E2F6: variants seen among roughly 807,000 people sequenced by gnomAD.
The protein encoded by E2F6 is transcription factor E2F6.
In E2F6, 19 loss-of-function variants were observed where a neutral mutation model predicts 31.5. That is an observed-to-expected ratio of 0.60 (90% CI 0.42 to 0.89). The LOEUF is 0.89. Ranked by LOEUF, E2F6 falls within the 40% of genes least tolerant of loss-of-function variation. The pLI, the probability that E2F6 is intolerant of heterozygous loss-of-function variation, is 0.00. For missense variants in E2F6, 269 were observed against 341.6 expected, an observed-to-expected ratio of 0.79 and a Z score of 1.67; for synonymous variants, 121 against 127.7, an observed-to-expected ratio of 0.95 and a Z score of 0.36.
At chr2:11,461,580 G>A (rs188700861) in intron 1 of E2F6, among the ~76,000 whole-genome samples, 7 of 151,986 alleles carry the variant, frequency 4.6e-5, no homozygotes, top group Non-Finnish European at 8.8e-5. Flanking sequence ...CTCGAAATCC[G>A]GACCTCAGGT....
intron 2 of E2F6, among the ~76,000 whole-genome samples, chr2:11,454,469 G>A (rs756102293): frequency 5.3e-5 from 8 of 151,492 alleles, no homozygotes; most frequent in East Asian, 1.9e-4. Flanking sequence ...ATTCTCCTCC[G>A]GAGTAGCTGG....
chr2:11,450,267 TA>T (rs374830196), intron 4 of E2F6, 141 bp from the exon 5 acceptor site: 33,760 of 314,378 alleles, frequency 0.11, 87 homozygotes, highest in East Asian at 0.13. Flanking sequence ...AGGAAAGCAG[TA>T]AAAAAAAAAA....
intron 4 of E2F6, among the ~76,000 whole-genome samples, chr2:11,450,837 T>C (rs956836896): frequency 1.3e-5 from 2 of 152,118 alleles, no homozygotes; most frequent in Non-Finnish European, 2.9e-5. Flanking sequence ...TTTTGACTGC[T>C]GGAGAGAGTT....
chr2:11,464,509 T>A (rs1380803440), intron 1 of E2F6, among the ~76,000 whole-genome samples: 2 of 136,300 alleles, frequency 1.5e-5, no homozygotes, highest in Non-Finnish European at 3.1e-5. Context: ...AGAGCAAGAC[T>A]TCGTCACCAA....
intron 5 of E2F6, among the ~76,000 whole-genome samples, chr2:11,448,555 T>A (rs1260443708): frequency 1.3e-5 from 2 of 152,194 alleles, no homozygotes; most frequent in African/African-American, 4.8e-5. Flanking sequence ...TCTCAGACGG[T>A]CTCAGAGCCT....
At chr2:11,459,593 CA>C (rs1454287377) in intron 1 of E2F6, among the ~76,000 whole-genome samples, 1 of 151,960 alleles carries the variant, frequency 6.6e-6, no homozygotes, top group African/African-American at 2.4e-5. Context: ...TAGATAGAAA[CA>C]TAAGTCCAGG....
At chr2:11,454,574 T>C (rs1189444608) in intron 2 of E2F6, among the ~76,000 whole-genome samples, 2 of 152,084 alleles carry the variant, frequency 1.3e-5, no homozygotes, top group Admixed American at 6.6e-5. Context: ...CTTGAATTCA[T>C]TCCTGACCCT....
intron 6 of E2F6, 24 bp downstream of exon 6, chr2:11,447,603 T>G (rs148210519): frequency 6.2e-7 from 1 of 1,606,252 alleles, no homozygotes; most frequent in Admixed American, 1.7e-5. Flanking sequence ...ATTAAAATAC[T>G]GTCAGAATCA....
rs1670683635 is a variant in E2F6 at position 11,445,915 on chromosome 2, A to C, written c.*562T>G. On this transcript the variant is annotated 3_prime_UTR_variant, in exon 7 of 7. Transcript: ENST00000381525. ...GGATTCTAATAAGTTATAGGTACCA[A>C]AGAGATTAGAGAATTTGTCTGTCAC... 6.6e-6 allele frequency: 1 copy of C among 152,386 alleles called. No homozygotes were observed. The highest frequency in any genetic ancestry group is 1.5e-5 in the Non-Finnish European group (1 of 68,060). 9.4% of individuals were successfully genotyped at this position (152,386 alleles called of 1,614,324 possible). A position where few individuals can be genotyped will look rare whatever the true frequency, so the allele number is the denominator to read the frequency against.
chr2:11,455,195 A>T, intron 2 of E2F6: 1 of 515,776 alleles, frequency 1.9e-6, no homozygotes, highest in Non-Finnish European at 2.6e-6. Flanking sequence ...CCAATTTGAT[A>T]CTAAGAAAAA....
intron 2 of E2F6, among the ~76,000 whole-genome samples, chr2:11,455,986 A>G (rs1671380340): frequency 6.6e-6 from 1 of 152,186 alleles, no homozygotes; most frequent in African/African-American, 2.4e-5. Context: ...ACACCTCAGA[A>G]GACAAAGCAG....
chr2:11,463,486 TAA>T (rs2148365680), intron 1 of E2F6, among the ~76,000 whole-genome samples: 1 of 152,338 alleles, frequency 6.6e-6, no homozygotes, highest in East Asian at 1.9e-4. Context: ...CAGCAAACAG[TAA>T]AGTTTTGGGG....
chr2:11,452,601 C>A (rs1271769142), intron 3 of E2F6, among the ~76,000 whole-genome samples: 2 of 148,694 alleles, frequency 1.3e-5, no homozygotes, highest in African/African-American at 5.0e-5. Context: ...AAGACCCCGT[C>A]TCAAAAGAAA....
In E2F6 at chr2:11,465,774, G is replaced by A. The variant is rs1382517796; in HGVS notation, c.106C>T (p.Leu36=). Residue 36 remains leucine (L), a splice_region_variant and synonymous_variant, in exon 1 of 7, where the codon CTG becomes TTG. Coordinates refer to ENST00000381525, the MANE Select transcript of E2F6 (RefSeq NM_198256.4). ...CRDPINVEGL[L]PSKIRINLED... Reference sequence around the variant, plus strand: ...CCCCGTCCCGTCCCGGAGCTTACCAGCAGGCCCTCCACGTTGATGGGGTCT... The same window carrying A: ...CCCCGTCCCGTCCCGGAGCTTACCAACAGGCCCTCCACGTTGATGGGGTCT... 8 of 1,592,334 alleles carry A rather than the reference G, an allele frequency of 5.0e-6. No individual in the cohort carries two copies. Among genetic ancestry groups the A allele is most frequent in the South Asian group, 3.4e-5 (3 of 87,542 alleles).
chr2:11,457,305 A>G, intron 1 of E2F6, 72 bp from the exon 2 acceptor site: 1 of 949,420 alleles, frequency 1.1e-6, no homozygotes, highest in Non-Finnish European at 1.7e-6. Flanking sequence ...ATTTTACTCA[A>G]TAGTATAAAG....
rs142067477 is a variant in E2F6, at chr2:11,454,036, A to G, written c.164-238T>C. Among the ~76,000 whole-genome samples the G allele has an allele frequency of 3.9e-3, 596 of 152,338 alleles. 6 individuals carry two copies. The highest frequency in any genetic ancestry group is 0.014 in the African/African-American group (572 of 41,590). On this transcript the variant is annotated intron_variant, in intron 2 of 6. Transcript: ENST00000381525. ...AAACAAAGGAGGATTTGAAATATGC[A>G]ACCAGTGTCCACCGAACATGTGGAC...
chr2:11,458,429 T>C (rs148567720), intron 1 of E2F6: 19,957 of 1,475,472 alleles, frequency 0.014, 168 homozygotes, highest in Middle Eastern at 0.025. Context: ...TGGCATGGCA[T>C]GTTTCTGGGA....
chr2:11,465,929 C>T lies in E2F6; in HGVS notation c.-50G>A. ...CCCTCGCACCCCACGAGCTCTCCCG[C>T]CCTCTCGCGCTCAGCTCGAGCACCG... On this transcript the variant is annotated 5_prime_UTR_variant, in exon 1 of 7. Transcript: ENST00000381525. 1 of 1,451,580 alleles carries T rather than the reference C, an allele frequency of 6.9e-7. No individual in the cohort carries two copies. The highest frequency in any genetic ancestry group is 9.2e-7 in the Non-Finnish European group (1 of 1,086,586). The allele number at this position is 1,451,580 out of a possible 1,614,324, so 89.9% of individuals were successfully genotyped here.
chr2:11,445,624 G>C lies in E2F6; in HGVS notation c.*853C>G, dbSNP rs1157844897. ...GAAAGGAGTTTCCAATTATCACCAT[G>C]ACTGAATTCATGTTTCACAATGAAT... On this transcript the variant is annotated 3_prime_UTR_variant, in exon 7 of 7. Transcript: ENST00000381525. 1 of 151,908 alleles carries C rather than the reference G, an allele frequency of 6.6e-6. No individual in the cohort carries two copies. Among genetic ancestry groups the C allele is most frequent in the Non-Finnish European group, 1.5e-5 (1 of 67,996 alleles). The allele number at this position is 151,908 out of a possible 1,614,324, so 9.4% of individuals were successfully genotyped here.
Sources: allele counts gnomAD v4.1 joint callset (sites outside exome capture counted in the v4.1 genomes callset), GRCh38; gene constraint gnomAD v4.1.1; transcripts MANE v1.5; gene names NCBI Gene and HGNC (gene_info 2026-07-23, HGNC 2026-07-21).